PHF21B: variants seen among roughly 807,000 people sequenced by gnomAD.
The protein encoded by PHF21B is PHD finger protein 4.
Under a neutral mutation model 62.2 loss-of-function variants are expected in PHF21B, and 22 were observed. The observed-to-expected ratio is 0.35, with a 90% CI of 0.25 to 0.51. The LOEUF is 0.51. PHF21B is among the 20% of genes least tolerant of loss of function. The probability of loss-of-function intolerance (pLI) is 0.97; values close to 1 mark genes in which losing one functional copy is unlikely to be tolerated. For synonymous variants in PHF21B, 341 were observed against 314.7 expected (o/e 1.08, Z -0.88); for missense variants, 701 against 707.9 (o/e 0.99, Z 0.11).
In PHF21B at chr22:44,965,576, T is replaced by A. The variant is rs181748015; in HGVS notation, c.120+42969A>T. Among the ~76,000 whole-genome samples, 1,032 of 152,214 alleles carry A rather than the reference T, an allele frequency of 6.8e-3. 18 individuals are homozygous for A. The highest frequency in any genetic ancestry group is 0.023 in the African/African-American group (969 of 41,528). On this transcript the variant is annotated intron_variant, in intron 2 of 12. Transcript: ENST00000313237. ...CCTCTATCACCCCAGATGCAGCCTC[T>A]CCTCCCTGCCTCCTTTCCCAGCACC...
Position 44,894,404 on chromosome 22 carries a change from G to A in PHF21B, c.884-871C>T, listed in dbSNP as rs181973505. On this transcript the variant is annotated intron_variant, in intron 6 of 12. Coordinates refer to ENST00000313237, the MANE Select transcript of PHF21B (RefSeq NM_138415.5). Reference sequence around the variant, plus strand: ...GTTGCAGATGAGAAAACTGAGGTTCGGAGTGGGGAAGGACCTTGCCTAGGG... The same window carrying A: ...GTTGCAGATGAGAAAACTGAGGTTCAGAGTGGGGAAGGACCTTGCCTAGGG... Among the ~76,000 whole-genome samples, 10 of 152,266 alleles carry A rather than the reference G, an allele frequency of 6.6e-5. No individual in the cohort carries two copies. The East Asian group carries it at 1.5e-3, about 24-fold the overall frequency.
chr22:44,892,222 G>C (rs553784458), intron 7 of PHF21B, among the ~76,000 whole-genome samples: 1 of 152,212 alleles, frequency 6.6e-6, no homozygotes, highest in African/African-American at 2.4e-5. Flanking sequence ...ATGTTCTTAC[G>C]AAGGGTCCGA....
rs555256219 is a variant in PHF21B, at chr22:44,953,921, C to T, written c.121-33431G>A. Among the ~76,000 whole-genome samples the T allele has an allele frequency of 3.3e-4, 51 of 152,360 alleles. No homozygotes were observed. In the South Asian group the frequency reaches 9.7e-3, roughly 29 times the overall value. On this transcript the variant is annotated intron_variant, in intron 2 of 12. Coordinates refer to ENST00000313237, the MANE Select transcript of PHF21B (RefSeq NM_138415.5). ...CAGTGAAGCAACTTGCCCAAGCCCA[C>T]CCCGCCAGGAGAGGTGAAGCCAGGC...
At chr22:44,991,998 C>T (rs564860745) in intron 2 of PHF21B, among the ~76,000 whole-genome samples, 4 of 152,318 alleles carry the variant, frequency 2.6e-5, no homozygotes, top group South Asian at 2.1e-4. Context: ...AAACCAGACC[C>T]GGACGTTGGG....
At chr22:44,979,152 C>T (rs1320780485) in intron 2 of PHF21B, among the ~76,000 whole-genome samples, 1 of 152,268 alleles carries the variant, frequency 6.6e-6, no homozygotes. Context: ...TTCTCTCCTG[C>T]ACCCACAGTG....
intron 2 of PHF21B, chr22:45,001,729 G>T (rs182102859): frequency 6.6e-6 from 1 of 152,356 alleles, no homozygotes; most frequent in Admixed American, 6.5e-5. Context: ...AACCTGAGCT[G>T]TTCCCAAGAG....
At chr22:44,921,371 CTTTT>C (rs912400201) in intron 2 of PHF21B, among the ~76,000 whole-genome samples, 1 of 135,004 alleles carries the variant, frequency 7.4e-6, no homozygotes, top group Non-Finnish European at 1.6e-5. Flanking sequence ...TTTTTTTTTT[CTTTT>C]TTTTTTTCTT....
At chr22:44,945,881 T>A (rs999993165) in intron 2 of PHF21B, among the ~76,000 whole-genome samples, 2 of 152,062 alleles carry the variant, frequency 1.3e-5, no homozygotes, top group Non-Finnish European at 2.9e-5. Flanking sequence ...GGCAGTGAGA[T>A]GGGGAAGATG....
Position 44,883,063 on chromosome 22 carries a change from G to T in PHF21B, c.*23C>A. 6.3e-7 allele frequency: 1 copy of T among 1,596,246 alleles called. No individual in the cohort carries two copies. The highest frequency in any genetic ancestry group is 1.1e-5 in the South Asian group (1 of 89,602). ...GCAGGGTCCCAATAACTTTCCGTGGGTATGAAGACTGGTCCCTCGGGGTCA... is the reference window on the plus strand; with the variant it reads ...GCAGGGTCCCAATAACTTTCCGTGGTTATGAAGACTGGTCCCTCGGGGTCA... On this transcript the variant is annotated 3_prime_UTR_variant, in exon 13 of 13. Coordinates refer to ENST00000313237, the MANE Select transcript of PHF21B (RefSeq NM_138415.5).
rs1365524473 is a variant in PHF21B, at chr22:44,889,329, GT to G, written c.1038+430del. Among the ~76,000 whole-genome samples, 8 of 152,246 alleles carry G rather than the reference GT, an allele frequency of 5.3e-5. No homozygotes were observed. The South Asian group carries it at 8.3e-4, about 16-fold the overall frequency. The stretch of plus-strand genomic sequence containing the variant: ...CACAGGATCACAGAAATGTGGGTGT[GT>G]GGGGTGAGTCCCTGGGGATTAACAA... On this transcript the variant is annotated intron_variant, in intron 9 of 12. Transcript: ENST00000313237.
intron 2 of PHF21B, among the ~76,000 whole-genome samples, chr22:44,960,543 C>T (rs907668862): frequency 6.6e-6 from 1 of 152,178 alleles, no homozygotes. Context: ...CTGTCTTCCC[C>T]AAGAGCTGTG....
chr22:44,992,568 G>A (rs1388105587), intron 2 of PHF21B, among the ~76,000 whole-genome samples: 1 of 152,246 alleles, frequency 6.6e-6, no homozygotes, highest in Admixed American at 6.5e-5. Flanking sequence ...TCTTCCACAG[G>A]CTGGACTGAA....
rs144792449 is a variant in PHF21B at position 44,932,112 on chromosome 22, C to T, written c.121-11622G>A. 1.2e-4 allele frequency among the ~76,000 whole-genome samples: 19 copies of T among 152,338 alleles called. No homozygotes were observed. The East Asian group carries it at 3.3e-3, about 26-fold the overall frequency. On this transcript the variant is annotated intron_variant, in intron 2 of 12. Transcript: ENST00000313237. ...GACCCGGGGCAGAGGCTGGAGGCCT[C>T]GAACCTCCACTGGGAAGACCCGGAG...
chr22:44,916,675 G>A, intron 3 of PHF21B, 45 bp from the exon 4 acceptor site: 1 of 1,559,146 alleles, frequency 6.4e-7, no homozygotes, highest in Non-Finnish European at 8.7e-7. Flanking sequence ...CAGACACACA[G>A]GAGTGCAGGG....
intron 2 of PHF21B, among the ~76,000 whole-genome samples, chr22:44,936,870 C>CTTTTTTTTTT (rs370585353): frequency 2.3e-5 from 3 of 128,626 alleles, no homozygotes; most frequent in Non-Finnish European, 3.2e-5. Context: ...CACTTTCTTT[C>CTTTTTTTTTT]TTTTTTTTTT....
intron 5 of PHF21B, among the ~76,000 whole-genome samples, chr22:44,907,034 C>T (rs1349402032): frequency 1.3e-5 from 2 of 152,210 alleles, no homozygotes; most frequent in Non-Finnish European, 2.9e-5. Flanking sequence ...CCTGTAGGTA[C>T]ATACATGTCA....
chr22:44,897,219 C>T (rs2071076952), intron 5 of PHF21B, among the ~76,000 whole-genome samples: 1 of 152,032 alleles, frequency 6.6e-6, no homozygotes, highest in African/African-American at 2.4e-5. Context: ...GTATTGTCTA[C>T]AGAGCTCACT....
In PHF21B at chr22:44,898,362, C is replaced by T. The variant is rs746995186; in HGVS notation, c.832-2279G>A. Reference sequence around the variant, plus strand: ...CCTTCTCATCACATCGCAGCAAGGGCGTAGACCACCCACCTGACTCATAGC... The same window carrying T: ...CCTTCTCATCACATCGCAGCAAGGGTGTAGACCACCCACCTGACTCATAGC... On this transcript the variant is annotated intron_variant, in intron 5 of 12. Transcript: ENST00000313237. 7.2e-5 allele frequency among the ~76,000 whole-genome samples: 11 copies of T among 152,122 alleles called. 1 individual carries two copies. In the South Asian group the frequency reaches 8.3e-4, roughly 11 times the overall value.
At chr22:44,892,348 G>A (rs1393748808) in intron 7 of PHF21B, among the ~76,000 whole-genome samples, 1 of 152,216 alleles carries the variant, frequency 6.6e-6, no homozygotes, top group Non-Finnish European at 1.5e-5. Flanking sequence ...GGAAAGGCGT[G>A]GACAGGCTGA....
Sources: gnomAD v4.1 joint callset for allele counts (sites outside exome capture counted in the v4.1 genomes callset) on GRCh38, gnomAD v4.1.1 for gene constraint, MANE v1.5 for transcripts, NCBI Gene and HGNC (gene_info 2026-07-23, HGNC 2026-07-21) for gene names.